The following SPOCD1 variants were observed in gnomAD, a reference collection of about 807,000 sequenced individuals.
The protein encoded by SPOCD1 is SPOC domain-containing protein 1.
Under a neutral mutation model 92.2 loss-of-function variants are expected in SPOCD1, and 64 were observed. The ratio of observed to expected loss-of-function variants is 0.69; its 90% CI spans 0.57 to 0.86. SPOCD1 has a LOEUF of 0.86. Ranked by LOEUF, SPOCD1 falls within the 40% of genes least tolerant of loss-of-function variation. SPOCD1 has a pLI of 0.00. For missense variants in SPOCD1, 1,360 were observed against 1,543.1 expected (o/e 0.88, Z 1.99); for synonymous variants, 578 against 619.3 (o/e 0.93, Z 0.99).
At chr1:31,807,411 GAGGGAGGGGGAGGGAAGAGA>G (rs1648902360) in intron 2 of SPOCD1, among the ~76,000 whole-genome samples, 1 of 236 alleles carries the variant, frequency 4.2e-3, no homozygotes, top group Non-Finnish European at 0.013. Flanking sequence ...GAGGGGAGGG[GAGGGAGGGGGAGGGAAGAGA>G]AGGGGAGGGA....
Position 31,798,148 on chromosome 1 carries a change from C to T in SPOCD1, c.2145+59G>A. On this transcript the variant is annotated intron_variant, in intron 9 of 15. Transcript: ENST00000360482. The surrounding 1 kb of genome is among the most constrained non-coding windows in gnomAD (Gnocchi z 4.1). ...TCTCTGTCTCTCCCTCTTCCACTCT[C>T]AGGCCACCCACTCTGCCCCTACATC... 7.7e-7 allele frequency: 1 copy of T among 1,306,268 alleles called. No homozygotes were observed. The highest frequency in any genetic ancestry group is 2.3e-5 in the East Asian group (1 of 43,502). The allele number at this position is 1,306,268 out of a possible 1,614,324, so 80.9% of individuals were successfully genotyped here.
At position 31,798,289 on chromosome 1, in the gene SPOCD1, G is replaced by T. The variant is rs748326329; in HGVS notation, c.2063C>A (p.Thr688Asn). 1.2e-6 allele frequency: 2 copies of T among 1,613,960 alleles called. No individual in the cohort carries two copies. The highest frequency in any genetic ancestry group is 8.5e-7 in the Non-Finnish European group (1 of 1,179,992). The change falls in exon 9 of 16, where the codon ACC (threonine) becomes AAC (asparagine). Residue 688 changes from threonine (T) to asparagine (N), a missense_variant. Physicochemically the swap from Thr to Asn is moderately conservative, Grantham distance 65. Transcript: ENST00000360482. This position sits in a 1 kb window ranked among gnomAD's most constrained non-coding sequence, Gnocchi z 4.1. ...GCTCATCCGCACCAGGTCGTAGGGGGTGACATCTCCATGAACCACTTTGAG... is the reference window on the plus strand; with the variant it reads ...GCTCATCCGCACCAGGTCGTAGGGGTTGACATCTCCATGAACCACTTTGAG... ...LFLKVVHGDV[T>N]PYDLVRMSSM... is the part of the protein sequence containing the mutation.
chr1:31,796,525 T>C lies in SPOCD1; in HGVS notation c.2271+65A>G, dbSNP rs530842754. 5 of 1,613,558 alleles carry C rather than the reference T, an allele frequency of 3.1e-6. No homozygotes were observed. In the African/African-American group the frequency reaches 5.3e-5, roughly 17 times the overall value. Reference sequence around the variant, plus strand: ...GACATGCCCAAGACCACACTGCTGGTGAGGCGAGGCGTGGGACCCCCAGGC... The same window carrying C: ...GACATGCCCAAGACCACACTGCTGGCGAGGCGAGGCGTGGGACCCCCAGGC... On this transcript the variant is annotated intron_variant, in intron 10 of 15. Transcript: ENST00000360482.
chr1:31,799,990 C>T (rs781126473), intron 5 of SPOCD1, 26 bp downstream of exon 5: 3 of 1,611,006 alleles, frequency 1.9e-6, no homozygotes, highest in East Asian at 2.2e-5. Flanking sequence ...GTGAAGGAGG[C>T]ACATGGCCGG....
chr1:31,801,781 A>G lies in SPOCD1; in HGVS notation c.1384-76T>C, dbSNP rs897744013. On this transcript the variant is annotated intron_variant, in intron 2 of 15. Transcript: ENST00000360482. ...CCATGGCAGGGAATTCACAAAAAGA[A>G]GACAATCTTGTTGAAAGGGTGTGTG... The G allele has an allele frequency of 1.0e-4, 126 of 1,257,194 alleles. No individual in the cohort carries two copies. The African/African-American group carries it at 1.5e-3, about 15-fold the overall frequency. 77.9% of individuals were successfully genotyped at this position (1,257,194 alleles called of 1,614,324 possible).
At chr1:31,803,922 G>C (rs1264014700) in intron 2 of SPOCD1, among the ~76,000 whole-genome samples, 2 of 152,038 alleles carry the variant, frequency 1.3e-5, no homozygotes, top group Non-Finnish European at 2.9e-5. Flanking sequence ...TTAATCTAAA[G>C]TTCCAGAAGG....
Position 31,815,069 on chromosome 1 carries a change from C to T in SPOCD1, c.265G>A (p.Val89Ile), listed in dbSNP as rs540996379. Reference sequence around the variant, plus strand: ...GCCAGCATCGAGCCCCGGCTCTGTACCACAGCTAGCAGCTCCAAGACCCCT... The same window carrying T: ...GCCAGCATCGAGCCCCGGCTCTGTATCACAGCTAGCAGCTCCAAGACCCCT... ...RPGVLELLAV[V>I]QSRGSMLAPG... The change falls in exon 2 of 16, where the codon GTA becomes ATA. Residue 89 changes from valine (V) to isoleucine (I), a missense_variant. This residue lies in a region of SPOCD1 where 140 missense variants were observed against 183.8 expected (regional missense o/e 0.76). Transcript: ENST00000360482. The T allele has an allele frequency of 6.2e-7, 1 of 1,613,814 alleles. No homozygotes were observed. Among genetic ancestry groups the T allele is most frequent in the Non-Finnish European group, 8.5e-7 (1 of 1,180,010 alleles).
Position 31,798,060 on chromosome 1 carries a change from C to T in SPOCD1, c.2145+147G>A, listed in dbSNP as rs1366033471. On this transcript the variant is annotated intron_variant, in intron 9 of 15. Transcript: ENST00000360482. This position sits in a 1 kb window ranked among gnomAD's most constrained non-coding sequence, Gnocchi z 4.1. ...TCTTGTGGGGAGGGTCTCTCTGACT[C>T]CCTATCTGCCTTCTCTGTTTCCTTG... The T allele has an allele frequency of 1.8e-5, 12 of 663,524 alleles. No homozygotes were observed. Among genetic ancestry groups the T allele is most frequent in the Non-Finnish European group, 3.2e-5 (12 of 370,292 alleles). 41.1% of individuals were successfully genotyped at this position (663,524 alleles called of 1,614,324 possible).
intron 13 of SPOCD1, 96 bp from the exon 14 acceptor site, chr1:31,792,863 A>C: frequency 3.1e-6 from 3 of 979,652 alleles, no homozygotes; most frequent in Non-Finnish European, 4.8e-6. Context: ...GCCTGTGGCA[A>C]ATATGGGCAG....
At chr1:31,802,868 G>C (rs1474422425) in intron 2 of SPOCD1, among the ~76,000 whole-genome samples, 1 of 152,118 alleles carries the variant, frequency 6.6e-6, no homozygotes. Flanking sequence ...GGAAGTATCT[G>C]CAAGAACCTA....
intron 2 of SPOCD1, among the ~76,000 whole-genome samples, chr1:31,802,892 G>T (rs1648558870): frequency 6.6e-6 from 1 of 152,106 alleles, no homozygotes; most frequent in Admixed American, 6.5e-5. Context: ...AACCCAGGCT[G>T]CCAGTAGGGA....
chr1:31,798,022 C>T lies in SPOCD1; in HGVS notation c.2145+185G>A, dbSNP rs1293033900. 1.3e-5 allele frequency among the ~76,000 whole-genome samples: 2 copies of T among 152,210 alleles called. No homozygotes were observed. The highest frequency in any genetic ancestry group is 4.8e-5 in the African/African-American group (2 of 41,442). On this transcript the variant is annotated intron_variant, in intron 9 of 15. Transcript: ENST00000360482. The surrounding 1 kb of genome is among the most constrained non-coding windows in gnomAD (Gnocchi z 4.1). ...TTCCCAGTCCCTTTCATTTCCACCC[C>T]TTCTCCTGTTTCTCTTGTGGGGAGG...
rs1187431509 is a variant in SPOCD1, at chr1:31,793,774, T to G, written c.2507A>C (p.Glu836Ala). 1 of 1,614,082 alleles carries G rather than the reference T, an allele frequency of 6.2e-7. No individual in the cohort carries two copies. Among genetic ancestry groups the G allele is most frequent in the South Asian group, 1.1e-5 (1 of 91,090 alleles). Reference sequence around the variant, plus strand: ...GTCCTGTGGTTCCGTGGGAGACAACTCCCTGGTTTTGGGCATCTCTGGAGC... The same window carrying G: ...GTCCTGTGGTTCCGTGGGAGACAACGCCCTGGTTTTGGGCATCTCTGGAGC... ...MPAPEMPKTR[E>A]LSPTEPQDRV... The change falls in exon 12 of 16, where the codon GAG (glutamate) becomes GCG (alanine). Residue 836 changes from glutamate to alanine, a missense_variant. Physicochemically the swap from Glu to Ala is moderately radical, Grantham distance 107 (BLOSUM62 -1). Transcript: ENST00000360482.
chr1:31,805,025 A>G (rs1337882057), intron 2 of SPOCD1, among the ~76,000 whole-genome samples: 4 of 123,388 alleles, frequency 3.2e-5, no homozygotes, highest in African/African-American at 1.3e-4. Flanking sequence ...TCTGTCACCG[A>G]GGCTGGAATG....
Position 31,791,037 on chromosome 1 carries a change from G to C in SPOCD1, c.3217C>G (p.Gln1073Glu). Residue 1073 changes from glutamine to glutamate, a missense_variant, in exon 16 of 16, where the codon CAG (glutamine) becomes GAG (glutamate). By Grantham distance (29) the Gln-to-Glu change is conservative. Coordinates refer to ENST00000360482, the MANE Select transcript of SPOCD1 (RefSeq NM_144569.7). ...CTTGGAGCTATACTGCCCCTGCCCT[G>C]GCTCTGCTGCCAGGCACCTCCTGGG... ...PPPGGAWQQS[Q>E]GRGSIAPRGI... The C allele has an allele frequency of 6.2e-7, 1 of 1,612,346 alleles. No homozygotes were observed. Among genetic ancestry groups the C allele is most frequent in the Non-Finnish European group, 8.5e-7 (1 of 1,179,578 alleles).
chr1:31,796,723 G>A lies in SPOCD1; in HGVS notation c.2146-8C>T. On this transcript the variant is annotated splice_polypyrimidine_tract_variant and splice_region_variant and intron_variant, in intron 9 of 15. Coordinates refer to ENST00000360482, the MANE Select transcript of SPOCD1 (RefSeq NM_144569.7). ...CTCAATGATATTCAGGCCCTGAAGAGGTGGAGCAGGCCAAGCTGAGCCCAG... is the reference window on the plus strand; with the variant it reads ...CTCAATGATATTCAGGCCCTGAAGAAGTGGAGCAGGCCAAGCTGAGCCCAG... 1.2e-6 allele frequency: 2 copies of A among 1,614,216 alleles called. No individual in the cohort carries two copies. The highest frequency in any genetic ancestry group is 1.1e-5 in the South Asian group (1 of 91,080).
At chr1:31,791,403 G>C (rs752404189) in intron 15 of SPOCD1, 112 bp from the exon 16 acceptor site, 1 of 829,328 alleles carries the variant, frequency 1.2e-6, no homozygotes, top group Non-Finnish European at 1.7e-6. Context: ...AAAGTAAGTA[G>C]GAAGGTGGGG....
rs1382683600 is a variant in SPOCD1, at chr1:31,814,537, G to A, written c.797C>T (p.Ser266Phe). 4 of 1,532,198 alleles carry A rather than the reference G, an allele frequency of 2.6e-6. No homozygotes were observed. In the African/African-American group the frequency reaches 5.5e-5, roughly 21 times the overall value. The allele number at this position is 1,532,198 out of a possible 1,614,324, so 94.9% of individuals were successfully genotyped here. Residue 266 changes from serine (S) to phenylalanine (F), a missense_variant, in exon 2 of 16, where the codon TCT (serine) becomes TTT (phenylalanine). Physicochemically the swap from Ser to Phe is radical, Grantham distance 155. Coordinates refer to ENST00000360482, the MANE Select transcript of SPOCD1 (RefSeq NM_144569.7). The surrounding 1 kb of genome is among the most constrained non-coding windows in gnomAD (Gnocchi z 4.2). ...ACTTCCACCTGGCTCTCCAGGCCCA[G>A]ACCCAGTGTCTTTTGGAGAGGGAGG... Reference protein sequence around the residue: ...CRPPSPKDTGSGPGEPGGSGA... With the variant: ...CRPPSPKDTGFGPGEPGGSGA...
In SPOCD1 at chr1:31,814,311, T is replaced by G; in HGVS notation, c.1023A>C (p.Gln341His). ...CAGTCCGCACGACACACACAGCTTC[T>G]TGCTGCTCTGCAGAGGCCTGTGCTG... ...GASAQASAEQ[Q>H]EAVCVVRTGS... Residue 341 changes from glutamine (Q) to histidine (H), a missense_variant, in exon 2 of 16, where the codon CAA (glutamine) becomes CAC (histidine). Physicochemically the swap from Gln to His is conservative, Grantham distance 24 (BLOSUM62 0). Transcript: ENST00000360482. The surrounding 1 kb of genome is among the most constrained non-coding windows in gnomAD (Gnocchi z 4.2). The G allele has an allele frequency of 6.3e-7, 1 of 1,575,678 alleles. No homozygotes were observed. Among genetic ancestry groups the G allele is most frequent in the Non-Finnish European group, 8.6e-7 (1 of 1,156,932 alleles).
Sources: allele counts gnomAD v4.1 joint callset (sites outside exome capture counted in the v4.1 genomes callset), GRCh38; gene constraint gnomAD v4.1.1; regional missense constraint gnomAD v4.1.1; non-coding constraint Gnocchi (gnomAD v3.1); transcripts MANE v1.5; gene names NCBI Gene and HGNC (gene_info 2026-07-23, HGNC 2026-07-21).